The following SLC4A4 variants were observed in gnomAD, a reference collection of about 807,000 sequenced individuals.
SLC4A4 encodes the protein electrogenic sodium bicarbonate cotransporter 1.
Under a neutral mutation model 111.5 loss-of-function variants are expected in SLC4A4, and 27 were observed. The observed-to-expected ratio is 0.24, with a 90% CI of 0.18 to 0.33. The LOEUF is 0.33. SLC4A4 is among the 10% of genes least tolerant of loss of function. The pLI, the probability that SLC4A4 is intolerant of heterozygous loss-of-function variation, is 1.00. For synonymous variants in SLC4A4, 443 were observed against 463.4 expected (o/e 0.96, Z 0.57); for missense variants, 909 against 1,315.5 (o/e 0.69, Z 4.78).
At chr4:71,185,025 C>T (rs1452894), upstream of SLC4A4, among the ~76,000 whole-genome samples, 92,413 of 152,066 alleles carry the variant, frequency 0.61, 34,295 homozygotes, top group Non-Finnish European at 0.82. Flanking sequence ...CCTCCCACCC[C>T]ACAAACCAAC....
intron 2 of SLC4A4, among the ~76,000 whole-genome samples, chr4:71,166,436 T>A (rs567375270): frequency 6.6e-6 from 1 of 152,222 alleles, no homozygotes; most frequent in South Asian, 2.1e-4. Flanking sequence ...ATAAGAAAGG[T>A]GAAGAGAAAA....
chr4:71,121,025 G>A (rs1743402812), intron 2 of SLC4A4, among the ~76,000 whole-genome samples: 1 of 152,214 alleles, frequency 6.6e-6, no homozygotes, highest in Non-Finnish European at 1.5e-5. Context: ...ACTTGGAGTG[G>A]CAGGCTGGCG....
At chr4:71,182,450 A>G (rs376799099), upstream of SLC4A4, among the ~76,000 whole-genome samples, 4 of 152,026 alleles carry the variant, frequency 2.6e-5, no homozygotes, top group South Asian at 2.1e-4. Context: ...GGCCTGGTCT[A>G]AAGAGCAGAC....
At chr4:71,091,221 TACAGGCGTG>T (rs1405072772) in intron 1 of SLC4A4, among the ~76,000 whole-genome samples, 1 of 152,036 alleles carries the variant, frequency 6.6e-6, no homozygotes, top group Non-Finnish European at 1.5e-5. Context: ...GCATTGGGTT[TACAGGCGTG>T]AGCCACTGTG....
intron 1 of SLC4A4, among the ~76,000 whole-genome samples, chr4:71,065,614 C>T (rs1163173413): frequency 2.0e-5 from 3 of 152,096 alleles, no homozygotes; most frequent in East Asian, 1.9e-4. Context: ...ACAAAGGGTA[C>T]GTGTTGCTGG....
intron 1 of SLC4A4, among the ~76,000 whole-genome samples, chr4:71,076,498 C>T (rs1179689743): frequency 2.6e-5 from 4 of 151,648 alleles, no homozygotes; most frequent in African/African-American, 7.3e-5. Context: ...CATCATTGCA[C>T]TCCAGCCTGG....
At chr4:71,204,496 T>G (rs1336010048) in intron 1 of SLC4A4, among the ~76,000 whole-genome samples, 2 of 152,208 alleles carry the variant, frequency 1.3e-5, no homozygotes, top group Admixed American at 6.5e-5. Flanking sequence ...TTATTCTTCT[T>G]GTTTCCATAC....
intron 16 of SLC4A4, among the ~76,000 whole-genome samples, chr4:71,524,862 G>A (rs1209890859): frequency 6.6e-6 from 1 of 152,104 alleles, no homozygotes; most frequent in Non-Finnish European, 1.5e-5. Flanking sequence ...AAGTTAAAAT[G>A]TACTGAGAGC....
chr4:71,380,727 A>G (rs1718057341), intron 6 of SLC4A4, among the ~76,000 whole-genome samples: 1 of 152,174 alleles, frequency 6.6e-6, no homozygotes, highest in Admixed American at 6.5e-5. Context: ...GAGGTCACTC[A>G]GTTAGTTGGG....
chr4:71,130,746 C>G (rs1347763717), intron 2 of SLC4A4, among the ~76,000 whole-genome samples: 3 of 152,172 alleles, frequency 2.0e-5, no homozygotes, highest in African/African-American at 4.8e-5. Flanking sequence ...AGGCAAACCT[C>G]GCTCATATAC....
At chr4:71,115,886 T>A (rs1207932954) in intron 2 of SLC4A4, among the ~76,000 whole-genome samples, 1 of 152,196 alleles carries the variant, frequency 6.6e-6, no homozygotes, top group Non-Finnish European at 1.5e-5. Context: ...ATATTCTTTT[T>A]ATTTTTATTT....
rs565472253 is a variant in SLC4A4, at chr4:71,282,057, C to A, written c.253+26658C>A. On this transcript the variant is annotated intron_variant, in intron 3 of 25. Transcript: ENST00000264485. ...TACAAGTTCTGAAAAAGAACATTTA[C>A]TTCTTTTTAGTGAACCCTGTTAAAA... Among the ~76,000 whole-genome samples the A allele has an allele frequency of 2.0e-5, 3 of 151,386 alleles. No individual in the cohort carries two copies. In the South Asian group the frequency reaches 6.2e-4, roughly 32 times the overall value.
intron 2 of SLC4A4, among the ~76,000 whole-genome samples, chr4:71,103,204 T>G (rs1324649029): frequency 2.7e-4 from 40 of 149,916 alleles, no homozygotes; most frequent in Admixed American, 4.0e-4. Context: ...AGGGATCAAT[T>G]CAACAAGAAG....
intron 1 of SLC4A4, among the ~76,000 whole-genome samples, chr4:71,079,600 A>T (rs1035339544): frequency 1.3e-5 from 2 of 151,848 alleles, no homozygotes; most frequent in African/African-American, 4.8e-5. Context: ...ACATAGCAAG[A>T]CCCTATCTCT....
intron 6 of SLC4A4, among the ~76,000 whole-genome samples, chr4:71,386,286 A>AT (rs1049164667): frequency 1.3e-5 from 2 of 151,790 alleles, no homozygotes; most frequent in African/African-American, 4.8e-5. Flanking sequence ...GAATTTTTAA[A>AT]TTTTTTTTGG....
chr4:71,319,324 C>T (rs1378071326), intron 3 of SLC4A4, among the ~76,000 whole-genome samples: 1 of 151,948 alleles, frequency 6.6e-6, no homozygotes, highest in Non-Finnish European at 1.5e-5. Flanking sequence ...TTACTTAGGT[C>T]TCTGGAGTTG....
intron 2 of SLC4A4, among the ~76,000 whole-genome samples, chr4:71,152,632 GAC>G (rs1744338805): frequency 6.6e-6 from 1 of 152,014 alleles, no homozygotes; most frequent in Admixed American, 6.6e-5. Context: ...AGGTACTATG[GAC>G]ACACTATTTT....
Position 71,467,908 on chromosome 4 carries a change from T to C in SLC4A4, c.1631+1331T>C, listed in dbSNP as rs145800043. Among the ~76,000 whole-genome samples, 27 of 152,068 alleles carry C rather than the reference T, an allele frequency of 1.8e-4. No individual in the cohort carries two copies. In the East Asian group the frequency reaches 4.9e-3, roughly 27 times the overall value. On this transcript the variant is annotated intron_variant, in intron 13 of 25. Coordinates refer to ENST00000264485, the MANE Select transcript of SLC4A4 (RefSeq NM_001098484.3). ...ATTCCCATAGTCATATTGTTATACA[T>C]TTTTAGGATTTTAATTTTAGAACTG...
At chr4:71,450,865 T>C (rs768802128) in intron 10 of SLC4A4, among the ~76,000 whole-genome samples, 7 of 152,208 alleles carry the variant, frequency 4.6e-5, no homozygotes, top group Non-Finnish European at 7.3e-5. Flanking sequence ...TTACTGAAGA[T>C]GAGTCCTTGT....
Sources: allele counts gnomAD v4.1 joint callset (sites outside exome capture counted in the v4.1 genomes callset), GRCh38; gene constraint gnomAD v4.1.1; transcripts MANE v1.5; gene names NCBI Gene and HGNC (gene_info 2026-07-23, HGNC 2026-07-21).